The following PCDHGB3 variants were observed in gnomAD, a reference collection of about 807,000 sequenced individuals.
PCDHGB3 encodes protocadherin gamma-B3.
Under a neutral mutation model 59.2 loss-of-function variants are expected in PCDHGB3, and 40 were observed. That is an observed-to-expected ratio of 0.68 (90% confidence interval 0.52 to 0.88). The LOEUF is 0.88. PCDHGB3 is among the 40% of genes least tolerant of loss of function. The probability of loss-of-function intolerance (pLI) is 0.00; values close to 1 mark genes in which losing one functional copy is unlikely to be tolerated. For synonymous variants in PCDHGB3, 581 were observed against 503.6 expected (o/e 1.15, Z -2.06); for missense variants, 1,309 against 1,187.9 (o/e 1.10, Z -1.50).
chr5:141,438,627 T>TATAC (rs2098031123), intron 1 of PCDHGB3, among the ~76,000 whole-genome samples: 4 of 48,012 alleles, frequency 8.3e-5, no homozygotes, highest in Admixed American at 6.2e-4. Flanking sequence ...TATATATATA[T>TATAC]ATATATATAC....
intron 1 of PCDHGB3, chr5:141,375,222 G>C: frequency 6.2e-7 from 1 of 1,613,926 alleles, no homozygotes; most frequent in Non-Finnish European, 8.5e-7. Flanking sequence ...GGCCTGAATG[G>C]CCTGGTAACC....
chr5:141,449,588 CAAAAAA>C (rs768743917), intron 1 of PCDHGB3, among the ~76,000 whole-genome samples: 1 of 57,492 alleles, frequency 1.7e-5, no homozygotes, highest in Admixed American at 1.8e-4. Flanking sequence ...GACTCTGTCT[CAAAAAA>C]AAAAAAAAAA....
intron 1 of PCDHGB3, chr5:141,393,778 A>G (rs756686929): frequency 1.2e-5 from 20 of 1,613,954 alleles, no homozygotes; most frequent in Non-Finnish European, 1.7e-5. Flanking sequence ...ATACAAGCCG[A>G]AGATGTGGGG....
intron 1 of PCDHGB3, among the ~76,000 whole-genome samples, chr5:141,480,259 G>A (rs1285833242): frequency 2.0e-5 from 3 of 151,174 alleles, no homozygotes; most frequent in African/African-American, 7.3e-5. Flanking sequence ...AAAAAAATGT[G>A]TTTTCATTAG....
At chr5:141,501,691 G>C (rs910322085) in intron 2 of PCDHGB3, among the ~76,000 whole-genome samples, 1 of 152,092 alleles carries the variant, frequency 6.6e-6, no homozygotes, top group Non-Finnish European at 1.5e-5. Context: ...CTTATCTGCA[G>C]GGTGATTCCG....
At chr5:141,478,719 T>C in intron 1 of PCDHGB3, 1 of 1,543,882 alleles carries the variant, frequency 6.5e-7, no homozygotes, top group South Asian at 1.2e-5. Context: ...GATGGTGGCC[T>C]GCCAGAGTGT....
Position 141,374,101 on chromosome 5 carries a change from G to C in PCDHGB3, c.2415+1292G>C, listed in dbSNP as rs752730619. ...AGCCAGTAATGGCGCCTCCGCAGAG[G>C]CATCCGCAGCGCAGCGAGCAGGTCC... On this transcript the variant is annotated intron_variant, in intron 1 of 3. Coordinates refer to ENST00000576222, the MANE Select transcript of PCDHGB3 (RefSeq NM_018924.5). 1 of 1,565,508 alleles carries C rather than the reference G, an allele frequency of 6.4e-7. No homozygotes were observed. Among genetic ancestry groups the C allele is most frequent in the Admixed American group, 1.9e-5 (1 of 53,132 alleles).
chr5:141,375,863 G>A, intron 1 of PCDHGB3: 3 of 1,613,986 alleles, frequency 1.9e-6, no homozygotes, highest in East Asian at 2.2e-5. Context: ...GGTGGTGGCG[G>A]TGGACAGAGA....
intron 1 of PCDHGB3, among the ~76,000 whole-genome samples, chr5:141,450,375 A>G (rs1338336573): frequency 1.3e-5 from 2 of 152,166 alleles, no homozygotes; most frequent in Non-Finnish European, 2.9e-5. Context: ...GTTTGTTTAT[A>G]TGAAACTGAC....
Position 141,393,204 on chromosome 5 carries a change from C to T in PCDHGB3, c.2415+20395C>T, listed in dbSNP as rs373432896. ...AATAATTGATATTAACGATAATAAC[C>T]CAAAATTCCAGGTCGAAGATCTAGA... On this transcript the variant is annotated intron_variant, in intron 1 of 3. Transcript: ENST00000576222. 7 of 1,613,342 alleles carry T rather than the reference C, an allele frequency of 4.3e-6. No homozygotes were observed. The African/African-American group carries it at 9.3e-5, about 22-fold the overall frequency.
chr5:141,390,222 G>C (rs758225583), intron 1 of PCDHGB3: 2 of 1,614,022 alleles, frequency 1.2e-6, no homozygotes, highest in Admixed American at 3.3e-5. Context: ...CATACTTTGC[G>C]GTGATTCATC....
intron 1 of PCDHGB3, chr5:141,419,512 G>T (rs754877872): frequency 3.7e-6 from 6 of 1,612,296 alleles, no homozygotes; most frequent in South Asian, 1.1e-5. Context: ...TGCGCGTGTT[G>T]GTGGGCGACC....
chr5:141,433,508 A>G (rs2097615565), intron 1 of PCDHGB3, among the ~76,000 whole-genome samples: 1 of 152,068 alleles, frequency 6.6e-6, no homozygotes, highest in Non-Finnish European at 1.5e-5. Context: ...TGCTGGGATT[A>G]CAGGCGTGAA....
intron 1 of PCDHGB3, chr5:141,374,379 G>A (rs1163047741): frequency 6.2e-7 from 1 of 1,614,042 alleles, no homozygotes; most frequent in Non-Finnish European, 8.5e-7. Flanking sequence ...TGTGCTCAGA[G>A]CCCGCGGTGT....
chr5:141,437,478 T>G (rs942305423), intron 1 of PCDHGB3, among the ~76,000 whole-genome samples: 2 of 152,210 alleles, frequency 1.3e-5, no homozygotes, highest in African/African-American at 2.4e-5. Flanking sequence ...TATAGCATAT[T>G]TAATCTCGTA....
intron 1 of PCDHGB3, among the ~76,000 whole-genome samples, chr5:141,425,696 A>G (rs1033976807): frequency 1.3e-4 from 20 of 152,242 alleles, no homozygotes; most frequent in African/African-American, 4.3e-4. Context: ...ATCATTTCAT[A>G]GTGGTCAAAA....
chr5:141,405,927 A>G (rs138259154), intron 1 of PCDHGB3, among the ~76,000 whole-genome samples: 13 of 152,268 alleles, frequency 8.5e-5, no homozygotes, highest in African/African-American at 2.6e-4. Flanking sequence ...ATTTGCTGAT[A>G]TAACTTTCAT....
chr5:141,389,767 G>A (rs2091900481), intron 1 of PCDHGB3: 1 of 1,613,028 alleles, frequency 6.2e-7, no homozygotes, highest in Non-Finnish European at 8.5e-7. Flanking sequence ...CGCACAGCGC[G>A]TGCCTTAGGC....
chr5:141,433,064 A>T, intron 1 of PCDHGB3: 1 of 1,614,064 alleles, frequency 6.2e-7, no homozygotes, highest in Non-Finnish European at 8.5e-7. Context: ...GAGTCACCTG[A>T]TCTTCCCCCA....
Sources: allele counts gnomAD v4.1 joint callset (sites outside exome capture counted in the v4.1 genomes callset), GRCh38; gene constraint gnomAD v4.1.1; transcripts MANE v1.5; gene names NCBI Gene and HGNC (gene_info 2026-07-23, HGNC 2026-07-21).